Variants in OSBPL8 observed in about 807,000 individuals in gnomAD.
The protein encoded by OSBPL8 is oxysterol-binding protein-related protein 8.
A neutral mutation model predicts 125.5 loss-of-function variants in OSBPL8; 59 were observed. That is an observed-to-expected ratio of 0.47 (90% CI 0.38 to 0.58). The LOEUF (loss-of-function observed/expected upper bound fraction) is 0.58, where lower values mean the gene tolerates loss of function less well. OSBPL8 is among the 20% of genes least tolerant of loss of function. The probability of loss-of-function intolerance (pLI) is 0.00; values close to 1 mark genes in which losing one functional copy is unlikely to be tolerated. For missense variants in OSBPL8, 758 were observed against 1,047.8 expected, an observed-to-expected ratio of 0.72 and a Z score of 3.82; for synonymous variants, 330 against 338.9, an observed-to-expected ratio of 0.97 and a Z score of 0.29.
At chr12:76,368,191 T>C (rs1952490615) in intron 21 of OSBPL8, among the ~76,000 whole-genome samples, 1 of 152,250 alleles carries the variant, frequency 6.6e-6, no homozygotes, top group African/African-American at 2.4e-5. Context: ...TACAGAATTC[T>C]TGATTGACAA....
chr12:76,529,416 C>T (rs1184654613), intron 1 of OSBPL8, among the ~76,000 whole-genome samples: 1 of 151,932 alleles, frequency 6.6e-6, no homozygotes, highest in African/African-American at 2.4e-5. Context: ...GATTACGAAA[C>T]CCAGCTGAAA....
intron 4 of OSBPL8, among the ~76,000 whole-genome samples, chr12:76,428,021 T>C (rs1292251217): frequency 6.6e-6 from 1 of 152,060 alleles, no homozygotes; most frequent in African/African-American, 2.4e-5. Context: ...TGGGTAGTGA[T>C]ATAAAATGTA....
At chr12:76,472,135 G>A (rs986300664) in intron 2 of OSBPL8, among the ~76,000 whole-genome samples, 105 of 152,224 alleles carry the variant, frequency 6.9e-4, no homozygotes, top group African/African-American at 2.5e-3. Flanking sequence ...TGACTCCATC[G>A]TCTACTTGTC....
intron 1 of OSBPL8, among the ~76,000 whole-genome samples, chr12:76,537,495 AC>A (rs1420849774): frequency 6.6e-6 from 1 of 152,238 alleles, no homozygotes; most frequent in East Asian, 1.9e-4. Context: ...ATGTCTTATC[AC>A]TGAGAAGAGA....
At chr12:76,550,678 C>T (rs1950910937) in intron 1 of OSBPL8, among the ~76,000 whole-genome samples, 1 of 152,340 alleles carries the variant, frequency 6.6e-6, no homozygotes, top group South Asian at 2.1e-4. Context: ...CCGTGCGCAG[C>T]TCACCAGCCA....
chr12:76,417,222 C>T (rs959406250), intron 4 of OSBPL8, among the ~76,000 whole-genome samples: 3 of 152,146 alleles, frequency 2.0e-5, no homozygotes, highest in Admixed American at 6.5e-5. Flanking sequence ...TCTCCTTTTG[C>T]CTGAAGTACA....
chr12:76,406,017 A>T (rs545421857), intron 5 of OSBPL8, among the ~76,000 whole-genome samples: 2 of 152,034 alleles, frequency 1.3e-5, no homozygotes, highest in East Asian at 3.9e-4. Flanking sequence ...TAGTTTCTTC[A>T]TCTGTAAAAT....
intron 3 of OSBPL8, 100 bp from the exon 4 acceptor site, chr12:76,451,088 G>T (rs1254655503): frequency 7.9e-7 from 1 of 1,264,678 alleles, no homozygotes; most frequent in East Asian, 2.6e-5. Context: ...AATGGCCTTG[G>T]TGGTTATATT....
intron 1 of OSBPL8, among the ~76,000 whole-genome samples, chr12:76,535,006 A>G (rs571003669): frequency 2.3e-4 from 35 of 152,282 alleles, no homozygotes; most frequent in Non-Finnish European, 1.3e-4. Context: ...AATGAATCAC[A>G]AATCTAAATA....
At chr12:76,420,602 A>T (rs1385114841) in intron 4 of OSBPL8, among the ~76,000 whole-genome samples, 1 of 152,092 alleles carries the variant, frequency 6.6e-6, no homozygotes, top group Non-Finnish European at 1.5e-5. Context: ...AAATTAAAAA[A>T]GGGTTATGCT....
chr12:76,492,947 G>C (rs759093315), intron 1 of OSBPL8, among the ~76,000 whole-genome samples: 1 of 148,616 alleles, frequency 6.7e-6, no homozygotes, highest in Non-Finnish European at 1.5e-5. Context: ...TTTTTTTTTT[G>C]CTTTCATTGT....
intron 1 of OSBPL8, among the ~76,000 whole-genome samples, chr12:76,492,618 C>T (rs1011431309): frequency 6.6e-6 from 1 of 152,130 alleles, no homozygotes; most frequent in Admixed American, 6.5e-5. Flanking sequence ...CTCATAGGAG[C>T]ATGAACACTA....
At chr12:76,365,106 C>T (rs767243515) in intron 21 of OSBPL8, among the ~76,000 whole-genome samples, 1 of 152,078 alleles carries the variant, frequency 6.6e-6, no homozygotes, top group Non-Finnish European at 1.5e-5. Context: ...CAGGCGTGTG[C>T]CACCATGCCC....
chr12:76,534,085 G>C (rs1950425126), intron 1 of OSBPL8: 1 of 152,132 alleles, frequency 6.6e-6, no homozygotes, highest in Non-Finnish European at 1.5e-5. Context: ...TTTGAAACCA[G>C]GAACTGTATT....
chr12:76,355,755 T>C lies in OSBPL8; in HGVS notation c.*134A>G. ...GAAGATAAAAGATACGAAAAGTCAATACCTCTACATTTATCTCCTAGGTTT... is the reference window on the plus strand; with the variant it reads ...GAAGATAAAAGATACGAAAAGTCAACACCTCTACATTTATCTCCTAGGTTT... On this transcript the variant is annotated 3_prime_UTR_variant, in exon 24 of 24. Coordinates refer to ENST00000261183, the MANE Select transcript of OSBPL8 (RefSeq NM_020841.5). The C allele has an allele frequency of 2.2e-6, 2 of 917,412 alleles. No homozygotes were observed. Among genetic ancestry groups the C allele is most frequent in the Non-Finnish European group, 1.6e-6 (1 of 628,788 alleles). The allele number at this position is 917,412 out of a possible 1,614,324, so 56.8% of individuals were successfully genotyped here. A position where few individuals can be genotyped will look rare whatever the true frequency, so the allele number is the denominator to read the frequency against.
At chr12:76,451,117 C>T (rs1873353112) in intron 3 of OSBPL8, 129 bp from the exon 4 acceptor site, 4 of 973,084 alleles carry the variant, frequency 4.1e-6, no homozygotes, top group Non-Finnish European at 5.8e-6. Flanking sequence ...CAACTCAATA[C>T]TTTAATAAAT....
chr12:76,464,197 A>G (rs988945747), intron 2 of OSBPL8, among the ~76,000 whole-genome samples: 5 of 152,156 alleles, frequency 3.3e-5, no homozygotes, highest in African/African-American at 4.8e-5. Context: ...TGAGCCCAGG[A>G]GTTCAAGGCT....
intron 2 of OSBPL8, among the ~76,000 whole-genome samples, chr12:76,463,078 G>A (rs553253353): frequency 6.6e-6 from 1 of 152,170 alleles, no homozygotes; most frequent in Non-Finnish European, 1.5e-5. Flanking sequence ...TGTTTTAACA[G>A]AATCACTCTG....
chr12:76,429,495 T>A (rs566092016), intron 4 of OSBPL8, among the ~76,000 whole-genome samples: 3 of 152,156 alleles, frequency 2.0e-5, no homozygotes, highest in South Asian at 4.1e-4. Flanking sequence ...AGGTTTCATA[T>A]AACAACAATC....
Sources: gnomAD v4.1 joint callset for allele counts (sites outside exome capture counted in the v4.1 genomes callset) on GRCh38, gnomAD v4.1.1 for gene constraint, MANE v1.5 for transcripts, NCBI Gene and HGNC (gene_info 2026-07-23, HGNC 2026-07-21) for gene names.